Variants in DENND5B observed in about 807,000 individuals in gnomAD.
DENND5B encodes DENN domain containing 5B, also known as DENN domain-containing protein 5B.
Under a neutral mutation model 140.6 loss-of-function variants are expected in DENND5B, and 34 were observed. The observed-to-expected ratio is 0.24, with a 90% CI of 0.18 to 0.32. The LOEUF (loss-of-function observed/expected upper bound fraction) is 0.32, where lower values mean the gene tolerates loss of function less well. Among genes scored for constraint, DENND5B ranks in the 10% least tolerant of loss-of-function variants. DENND5B has a pLI of 1.00. For missense variants in DENND5B, 1,142 were observed against 1,560.2 expected, an observed-to-expected ratio of 0.73 and a Z score of 4.52; for synonymous variants, 551 against 562.1, an observed-to-expected ratio of 0.98 and a Z score of 0.28.
At chr12:31,516,771 T>C (rs978523452) in intron 1 of DENND5B, among the ~76,000 whole-genome samples, 1 of 152,146 alleles carries the variant, frequency 6.6e-6, no homozygotes, top group Non-Finnish European at 1.5e-5. Flanking sequence ...TTTTCCTGTC[T>C]GTAATTTTAA....
rs375729543 is a variant in DENND5B, at chr12:31,389,401, G to A, written c.3564C>T (p.Tyr1188=). The change falls in exon 20 of 21, where the codon TAC becomes TAT. Residue 1188 remains tyrosine, a synonymous_variant. Transcript: ENST00000389082. The stretch of plus-strand genomic sequence containing the variant: ...TGGGTGCAGTATTAATAGCATTTAC[G>A]TAGTGGCAGAAGGTTTTGCAGGATG... The part of the protein sequence containing the change: ...QKSSCKTFCH[Y]VNAINTAPRN... 6.9e-5 allele frequency: 112 copies of A among 1,612,826 alleles called. No individual in the cohort carries two copies. Among genetic ancestry groups the A allele is most frequent in the South Asian group, 1.4e-4 (13 of 90,736 alleles).
intron 2 of DENND5B, among the ~76,000 whole-genome samples, chr12:31,481,396 A>G (rs1265592280): frequency 6.6e-6 from 1 of 152,188 alleles, no homozygotes; most frequent in Non-Finnish European, 1.5e-5. Context: ...TTTCCAGTCG[A>G]GTAAGGTTAA....
intron 3 of DENND5B, among the ~76,000 whole-genome samples, chr12:31,473,350 TTATC>T (rs1337679765): frequency 2.6e-5 from 4 of 152,204 alleles, no homozygotes; most frequent in African/African-American, 9.7e-5. Context: ...TAAACACACT[TTATC>T]TAAATGTTTT....
At chr12:31,553,674 C>T (rs1017506522) in intron 1 of DENND5B, among the ~76,000 whole-genome samples, 2 of 152,124 alleles carry the variant, frequency 1.3e-5, no homozygotes, top group African/African-American at 4.8e-5. Flanking sequence ...GTTAAAGTCT[C>T]CCATTATTAT....
chr12:31,525,041 C>A (rs1948038282), intron 1 of DENND5B, among the ~76,000 whole-genome samples: 1 of 152,218 alleles, frequency 6.6e-6, no homozygotes, highest in Non-Finnish European at 1.5e-5. Flanking sequence ...TACCACTTCA[C>A]ACCCACTTGC....
intron 5 of DENND5B, among the ~76,000 whole-genome samples, chr12:31,450,486 C>CA (rs1944465856): frequency 6.6e-6 from 1 of 152,056 alleles, no homozygotes; most frequent in Admixed American, 6.6e-5. Flanking sequence ...CCTCCAGAGT[C>CA]ATTGGGACCA....
At chr12:31,553,365 G>C (rs1949146451) in intron 1 of DENND5B, among the ~76,000 whole-genome samples, 1 of 152,192 alleles carries the variant, frequency 6.6e-6, no homozygotes. Flanking sequence ...CCATGTAGTT[G>C]AGTGTTTTTG....
chr12:31,504,503 G>C (rs1189728269), intron 1 of DENND5B, among the ~76,000 whole-genome samples: 1 of 152,152 alleles, frequency 6.6e-6, no homozygotes, highest in Non-Finnish European at 1.5e-5. Flanking sequence ...TAGCATGCTT[G>C]TGGGGTTGCA....
intron 11 of DENND5B, among the ~76,000 whole-genome samples, chr12:31,417,858 T>A (rs1942831486): frequency 6.6e-6 from 1 of 152,196 alleles, no homozygotes; most frequent in African/African-American, 2.4e-5. Context: ...AGAATGTGAA[T>A]TTTTGCTGTA....
At chr12:31,495,389 CT>C (rs149645342) in intron 2 of DENND5B, among the ~76,000 whole-genome samples, 2 of 136,206 alleles carry the variant, frequency 1.5e-5, no homozygotes, top group African/African-American at 5.5e-5. Flanking sequence ...CTTTTTTTTT[CT>C]TTTTTTGAGA....
chr12:31,515,519 T>C (rs1184473370), intron 1 of DENND5B, among the ~76,000 whole-genome samples: 1 of 152,156 alleles, frequency 6.6e-6, no homozygotes, highest in Non-Finnish European at 1.5e-5. Context: ...ACTTACATGG[T>C]GGGTAAATTT....
chr12:31,436,415 G>A (rs78933501), intron 7 of DENND5B, among the ~76,000 whole-genome samples: 1 of 151,404 alleles, frequency 6.6e-6, no homozygotes, highest in African/African-American at 2.4e-5. Flanking sequence ...AAATCCTCTT[G>A]ATGAAGCCAC....
At chr12:31,462,514 G>C (rs1346010365) in intron 3 of DENND5B, among the ~76,000 whole-genome samples, 3 of 152,086 alleles carry the variant, frequency 2.0e-5, no homozygotes, top group Non-Finnish European at 2.9e-5. Context: ...CTCTCTGTGG[G>C]TTTCCTAAGG....
At chr12:31,416,484 G>A (rs1303781756) in intron 11 of DENND5B, among the ~76,000 whole-genome samples, 1 of 151,732 alleles carries the variant, frequency 6.6e-6, no homozygotes, top group Non-Finnish European at 1.5e-5. Context: ...AGCTGGTCTC[G>A]AACTCCTTAA....
At chr12:31,496,484 C>T (rs895019410) in intron 1 of DENND5B, among the ~76,000 whole-genome samples, 9 of 152,134 alleles carry the variant, frequency 5.9e-5, no homozygotes, top group African/African-American at 2.2e-4. Flanking sequence ...AACATACTAA[C>T]CTTTTAAAAT....
At position 31,523,607 on chromosome 12, in the gene DENND5B, C is replaced by CAA. The variant is rs201384267; in HGVS notation, c.128-27690_128-27689dup. 2.4e-4 allele frequency among the ~76,000 whole-genome samples: 34 copies of CAA among 139,464 alleles called. No individual in the cohort carries two copies. In the East Asian group the frequency reaches 2.5e-3, roughly 10 times the overall value. The allele number at this position is 139,464 out of a possible 152,430, so 91.5% of individuals were successfully genotyped here. ...ATTATCCTAAAAATATGCTTTTCCT[C>CAA]AAAAAAAAAAAAGTCGTACAACACT... On this transcript the variant is annotated intron_variant, in intron 1 of 20. Coordinates refer to ENST00000389082, the MANE Select transcript of DENND5B (RefSeq NM_144973.4).
chr12:31,554,443 T>G (rs1949199481), intron 1 of DENND5B, among the ~76,000 whole-genome samples: 1 of 152,216 alleles, frequency 6.6e-6, no homozygotes, highest in Non-Finnish European at 1.5e-5. Context: ...GCTGTTAGTC[T>G]GATGGGCTTC....
intron 1 of DENND5B, 52 bp from the exon 2 acceptor site, chr12:31,495,971 A>C: frequency 1.6e-6 from 2 of 1,287,342 alleles, no homozygotes; most frequent in Non-Finnish European, 2.2e-6. Context: ...AAAGCATGTC[A>C]TAGTTTTCTA....
chr12:31,511,045 A>G (rs999321085), intron 1 of DENND5B, among the ~76,000 whole-genome samples: 1 of 152,168 alleles, frequency 6.6e-6, no homozygotes. Context: ...CAGCCTGGCC[A>G]ACACAGTGAG....
Sources: allele counts gnomAD v4.1 joint callset (sites outside exome capture counted in the v4.1 genomes callset), GRCh38; gene constraint gnomAD v4.1.1; transcripts MANE v1.5; gene names NCBI Gene and HGNC (gene_info 2026-07-23, HGNC 2026-07-21).